The following CLYBL variants were observed in gnomAD, a reference collection of about 807,000 sequenced individuals.
CLYBL encodes the protein citramalyl-CoA lyase, mitochondrial.
Under a neutral mutation model 38.9 loss-of-function variants are expected in CLYBL, and 31 were observed. That is an observed-to-expected ratio of 0.80 (90% CI 0.60 to 1.08). The LOEUF (loss-of-function observed/expected upper bound fraction) is 1.08. CLYBL is among the 50% of genes least tolerant of loss of function. CLYBL has a pLI of 0.00. For synonymous variants in CLYBL, 171 were observed against 158.6 expected, an observed-to-expected ratio of 1.08 and a Z score of -0.59; for missense variants, 434 against 411.6, an observed-to-expected ratio of 1.05 and a Z score of -0.47.
chr13:99,698,125 A>T lies in CLYBL; in HGVS notation c.63-74699A>T, dbSNP rs566749873. ...CATGAAACAAATCTTTACAACACAT[A>T]TGTGTTTTCATGCTGCTGAACATTT... On this transcript the variant is annotated intron_variant, in intron 1 of 8. Transcript: ENST00000339105. Among the ~76,000 whole-genome samples the T allele has an allele frequency of 3.3e-5, 5 of 152,280 alleles. No individual in the cohort carries two copies. The East Asian group carries it at 9.7e-4, about 29-fold the overall frequency.
rs191499461 is a variant in CLYBL, at chr13:99,701,273, C to T, written c.63-71551C>T. Among the ~76,000 whole-genome samples, 90 of 152,224 alleles carry T rather than the reference C, an allele frequency of 5.9e-4. 1 individual carries two copies. The East Asian group carries it at 0.01, about 18-fold the overall frequency. ...TTTATATATATTGTCTCATTTAAATCCAGTAAGATAGCAGCAGCTGTGGGA... is the reference window on the plus strand; with the variant it reads ...TTTATATATATTGTCTCATTTAAATTCAGTAAGATAGCAGCAGCTGTGGGA... On this transcript the variant is annotated intron_variant, in intron 1 of 8. Transcript: ENST00000339105.
intron 1 of CLYBL, among the ~76,000 whole-genome samples, chr13:99,671,116 G>A (rs556932535): frequency 1.3e-5 from 2 of 152,214 alleles, no homozygotes; most frequent in South Asian, 4.1e-4. Flanking sequence ...GCACTAGCTG[G>A]TTCTGCTGCC....
At chr13:99,741,388 A>G (rs1456992825) in intron 1 of CLYBL, among the ~76,000 whole-genome samples, 1 of 152,198 alleles carries the variant, frequency 6.6e-6, no homozygotes, top group Non-Finnish European at 1.5e-5. Flanking sequence ...CTAGAAGGAG[A>G]GAGTGACAAG....
At chr13:99,895,869 T>G (rs962661225), downstream of CLYBL, 1 of 71,342 alleles carries the variant, frequency 1.4e-5, no homozygotes, top group Non-Finnish European at 3.1e-5. Flanking sequence ...CCAAAATCAT[T>G]TGGGGACTTC....
At chr13:99,830,579 A>G (rs1420143328) in intron 2 of CLYBL, among the ~76,000 whole-genome samples, 5 of 152,158 alleles carry the variant, frequency 3.3e-5, no homozygotes, top group Non-Finnish European at 7.4e-5. Flanking sequence ...GTCCAACTCA[A>G]CTACTCTGTG....
intron 2 of CLYBL, among the ~76,000 whole-genome samples, chr13:99,819,416 TTATATATATATATATA>T (rs71715024): frequency 0.12 from 2,166 of 18,304 alleles, 121 homozygotes; most frequent in Non-Finnish European, 0.14. Context: ...GGGAAAAAAT[TTATATATATATATATA>T]TATATATATA....
At chr13:99,693,541 A>T (rs1414370135) in intron 1 of CLYBL, among the ~76,000 whole-genome samples, 2 of 152,080 alleles carry the variant, frequency 1.3e-5, no homozygotes, top group South Asian at 4.1e-4. Context: ...AGGCTGCCTC[A>T]TCCCCACAAC....
downstream of CLYBL, among the ~76,000 whole-genome samples, chr13:99,899,700 T>A (rs1016358573): frequency 2.0e-5 from 3 of 152,152 alleles, no homozygotes; most frequent in African/African-American, 7.2e-5. Context: ...ATAATTTTTT[T>A]AAAAGAATGA....
At chr13:99,726,595 C>T (rs2048476271) in intron 1 of CLYBL, 1 of 152,250 alleles carries the variant, frequency 6.6e-6, no homozygotes, top group Non-Finnish European at 1.5e-5. Context: ...TCGTCATTTA[C>T]TTTTCCTGCC....
At chr13:99,841,063 C>T (rs1317571312) in intron 2 of CLYBL, among the ~76,000 whole-genome samples, 1 of 152,134 alleles carries the variant, frequency 6.6e-6, no homozygotes, top group Admixed American at 6.5e-5. Context: ...CAACCTATAG[C>T]CTGTGTTTCT....
chr13:99,811,451 TC>T (rs1400297339), intron 2 of CLYBL, among the ~76,000 whole-genome samples: 1 of 152,060 alleles, frequency 6.6e-6, no homozygotes, highest in African/African-American at 2.4e-5. Flanking sequence ...AGGAAGGGCC[TC>T]CCTTCCTCCA....
chr13:99,862,968 A>T, intron 3 of CLYBL, 23 bp from the exon 4 acceptor site: 1 of 1,413,710 alleles, frequency 7.1e-7, no homozygotes. Context: ...CCCACTAATC[A>T]CCTATGACAC....
At chr13:99,615,543 G>C (rs924962200) in intron 1 of CLYBL, among the ~76,000 whole-genome samples, 1 of 152,138 alleles carries the variant, frequency 6.6e-6, no homozygotes, top group African/African-American at 2.4e-5. Context: ...CATTGCTTAC[G>C]ATCCTGTGAA....
chr13:99,795,830 A>G (rs977871465), intron 2 of CLYBL, among the ~76,000 whole-genome samples: 1 of 152,184 alleles, frequency 6.6e-6, no homozygotes, highest in African/African-American at 2.4e-5. Context: ...TAGAAGAATG[A>G]AACTAAGGTT....
intron 1 of CLYBL, among the ~76,000 whole-genome samples, chr13:99,699,809 A>T (rs543734945): frequency 2.6e-5 from 4 of 151,446 alleles, no homozygotes; most frequent in South Asian, 4.2e-4. Context: ...CTGGCTAACA[A>T]GGTGAAACCC....
At chr13:99,883,271 A>G (rs1371040559) in intron 7 of CLYBL, among the ~76,000 whole-genome samples, 1 of 152,188 alleles carries the variant, frequency 6.6e-6, no homozygotes, top group East Asian at 1.9e-4. Flanking sequence ...CTGTAATCCC[A>G]GCACTTTGGG....
chr13:99,693,115 A>G (rs538593709), intron 1 of CLYBL, among the ~76,000 whole-genome samples: 50 of 152,276 alleles, frequency 3.3e-4, no homozygotes, highest in African/African-American at 1.1e-3. Flanking sequence ...TATGGTAACT[A>G]TGTTTAACAT....
intron 2 of CLYBL, among the ~76,000 whole-genome samples, chr13:99,796,718 C>A (rs1272338475): frequency 6.6e-6 from 1 of 152,164 alleles, no homozygotes; most frequent in Non-Finnish European, 1.5e-5. Context: ...TTTCACTTGT[C>A]CAATATCATC....
At chr13:99,774,602 T>C (rs1407807855) in intron 2 of CLYBL, among the ~76,000 whole-genome samples, 3 of 152,206 alleles carry the variant, frequency 2.0e-5, no homozygotes, top group Non-Finnish European at 4.4e-5. Context: ...GGCTGTACTA[T>C]ACAATTTTCT....
Sources: allele counts gnomAD v4.1 joint callset (sites outside exome capture counted in the v4.1 genomes callset), GRCh38; gene constraint gnomAD v4.1.1; transcripts MANE v1.5; gene names NCBI Gene and HGNC (gene_info 2026-07-23, HGNC 2026-07-21).